Variants in PSMD3 observed in about 807,000 individuals in gnomAD.
PSMD3 encodes 26S proteasome non-ATPase regulatory subunit 3.
PSMD3 carries 5 observed loss-of-function variants against 62.8 expected under a neutral mutation model. That is an observed-to-expected ratio of 0.08 (90% CI 0.04 to 0.17). The LOEUF (loss-of-function observed/expected upper bound fraction) is 0.17, where lower values mean the gene tolerates loss of function less well. PSMD3 is among the 10% of genes least tolerant of loss of function. The pLI is 1.00. For synonymous variants in PSMD3, 265 were observed against 283.9 expected (o/e 0.93, Z 0.67); for missense variants, 524 against 713.6 (o/e 0.73, Z 3.03).
At chr17:39,997,292 C>G in intron 10 of PSMD3, 38 bp from the exon 11 acceptor site, 1 of 1,607,490 alleles carries the variant, frequency 6.2e-7, no homozygotes, top group Non-Finnish European at 8.5e-7. Context: ...TCACCTGCTT[C>G]CTTCCCTCGC....
intron 6 of PSMD3, 118 bp from the exon 7 acceptor site, chr17:39,994,836 A>G (rs1402972774): frequency 2.3e-6 from 2 of 857,112 alleles, no homozygotes; most frequent in Non-Finnish European, 3.7e-6. Flanking sequence ...CTCTGGGCCT[A>G]AACAGTGATC....
intron 6 of PSMD3, among the ~76,000 whole-genome samples, chr17:39,992,361 C>T (rs1980678741): frequency 6.6e-6 from 1 of 152,078 alleles, no homozygotes; most frequent in South Asian, 2.1e-4. Context: ...CTGCAACCAG[C>T]CCTCTGCCCT....
chr17:39,984,812 C>A lies in PSMD3; in HGVS notation c.411+328C>A, dbSNP rs77384819. On this transcript the variant is annotated intron_variant, in intron 2 of 11. Coordinates refer to ENST00000264639, the MANE Select transcript of PSMD3 (RefSeq NM_002809.4). ...GAGAAGGTGCTGCTGCCTCTTTCTTCTGAAGCTTCACCATGGAGGAGGTAG... is the reference window on the plus strand; with the variant it reads ...GAGAAGGTGCTGCTGCCTCTTTCTTATGAAGCTTCACCATGGAGGAGGTAG... 2.2e-3 allele frequency among the ~76,000 whole-genome samples: 331 copies of A among 152,258 alleles called. 1 individual carries two copies. Among genetic ancestry groups the A allele is most frequent in the African/African-American group, 7.6e-3 (317 of 41,534 alleles).
At chr17:39,993,915 G>A (rs1333528641) in intron 6 of PSMD3, 1 of 152,192 alleles carries the variant, frequency 6.6e-6, no homozygotes, top group Non-Finnish European at 1.5e-5. Flanking sequence ...GACACCAAGT[G>A]TTCTACGTGC....
At chr17:39,992,024 C>CAAAAAAAAAAAAAAAAAAAAACAA (rs59894264) in intron 6 of PSMD3, among the ~76,000 whole-genome samples, 2 of 102,068 alleles carry the variant, frequency 2.0e-5, no homozygotes, top group Non-Finnish European at 2.1e-5. Flanking sequence ...GACTCTGTCT[C>CAAAAAAAAAAAAAAAAAAAAACAA]AAAAAAAAAC....
chr17:39,989,829 A>G lies in PSMD3; in HGVS notation c.777A>G (p.Leu259=). 1 of 1,614,202 alleles carries G rather than the reference A, an allele frequency of 6.2e-7. No homozygotes were observed. The highest frequency in any genetic ancestry group is 8.5e-7 in the Non-Finnish European group (1 of 1,180,040). ...TGAACCTCCTGCTGCGGAATTACCT[A>G]CACTACAGCTTGTACGACCAGGCTG... is the stretch of plus-strand genomic sequence containing the variant. ...TLLNLLLRNY[L]HYSLYDQAEK... is the part of the protein sequence containing the mutation. The change falls in exon 5 of 12, where the codon CTA becomes CTG. Residue 259 remains leucine (L), a synonymous_variant. Coordinates refer to ENST00000264639, the MANE Select transcript of PSMD3 (RefSeq NM_002809.4).
intron 1 of PSMD3, among the ~76,000 whole-genome samples, chr17:39,982,460 A>T (rs914441108): frequency 2.0e-5 from 3 of 152,282 alleles, no homozygotes; most frequent in Non-Finnish European, 4.4e-5. Context: ...GTTTGTATCA[A>T]GGCATAACTA....
chr17:39,990,481 T>A (rs1029750371), intron 6 of PSMD3, among the ~76,000 whole-genome samples: 1 of 152,110 alleles, frequency 6.6e-6, no homozygotes, highest in African/African-American at 2.4e-5. Flanking sequence ...ATTTTTTGTG[T>A]GTGTGGAGAC....
Position 39,995,216 on chromosome 17 carries a change from G to A in PSMD3, c.1137G>A (p.Leu379=). The change falls in exon 8 of 12, where the codon CTG becomes CTA. Residue 379 remains leucine, a synonymous_variant. Coordinates refer to ENST00000264639, the MANE Select transcript of PSMD3 (RefSeq NM_002809.4). This position sits in a 1 kb window ranked among gnomAD's most constrained non-coding sequence, Gnocchi z 4.1. Reference sequence around the variant, plus strand: ...ACCTAGCCAAGTTCAACCAGGTCCTGGATCAGTTTGGGGAGAAGTTTCAAG... The same window carrying A: ...ACCTAGCCAAGTTCAACCAGGTCCTAGATCAGTTTGGGGAGAAGTTTCAAG... ...TGNLAKFNQV[L]DQFGEKFQAD... is the part of the protein sequence containing the mutation. The A allele has an allele frequency of 6.2e-7, 1 of 1,614,126 alleles. No individual in the cohort carries two copies. The highest frequency in any genetic ancestry group is 2.2e-5 in the East Asian group (1 of 44,878).
rs372020193 is a variant in PSMD3 at position 39,990,175 on chromosome 17, C to A, written c.959C>A (p.Thr320Lys). The A allele has an allele frequency of 1.1e-5, 18 of 1,613,514 alleles. No homozygotes were observed. Among genetic ancestry groups the A allele is most frequent in the Non-Finnish European group, 1.4e-5 (17 of 1,179,786 alleles). ...TNALRKAPQH[T>K]AVGFKQTVHK... ...GCCCTTCGCAAGGCCCCTCAGCACA[C>A]AGCTGTCGGCTTCAAACAGACGGTG... Residue 320 changes from threonine to lysine, a missense_variant, in exon 6 of 12, where the codon ACA becomes AAA. Coordinates refer to ENST00000264639, the MANE Select transcript of PSMD3 (RefSeq NM_002809.4).
In PSMD3 at chr17:39,996,400, T is replaced by C; in HGVS notation, c.1476+62T>C. ...CAGCACACCCCTCCCTCCACACTCA[T>C]GGATTCCTCAGAGAAGACTGGCTTA... is the stretch of plus-strand genomic sequence containing the variant. On this transcript the variant is annotated intron_variant, in intron 10 of 11. Transcript: ENST00000264639. This position sits in a 1 kb window ranked among gnomAD's most constrained non-coding sequence, Gnocchi z 5.1. The C allele has an allele frequency of 1.9e-6, 3 of 1,567,562 alleles. No individual in the cohort carries two copies. Among genetic ancestry groups the C allele is most frequent in the Non-Finnish European group, 1.7e-6 (2 of 1,150,520 alleles).
rs1980764600 is a variant in PSMD3, at chr17:39,995,632, A to G, written c.1320+105A>G. 9.0e-7 allele frequency: 1 copy of G among 1,114,582 alleles called. No homozygotes were observed. Among genetic ancestry groups the G allele is most frequent in the Non-Finnish European group, 1.3e-6 (1 of 747,392 alleles). 69.0% of individuals were successfully genotyped at this position (1,114,582 alleles called of 1,614,324 possible). A position where few individuals can be genotyped will look rare whatever the true frequency, so the allele number is the denominator to read the frequency against. The stretch of plus-strand genomic sequence containing the variant: ...GCCAAGGAGGGGAATAGGTAAAGCA[A>G]TGGCATAGTCATTTCAGGGCGTGCC... On this transcript the variant is annotated intron_variant, in intron 9 of 11. Coordinates refer to ENST00000264639, the MANE Select transcript of PSMD3 (RefSeq NM_002809.4). This position sits in a 1 kb window ranked among gnomAD's most constrained non-coding sequence, Gnocchi z 4.1.
At position 39,996,199 on chromosome 17, in the gene PSMD3, T is replaced by C. The variant is rs1980780349; in HGVS notation, c.1337T>C (p.Val446Ala). The change falls in exon 10 of 12, where the codon GTC becomes GCC. Residue 446 changes from valine to alanine, a missense_variant. Physicochemically the swap from Val to Ala is moderately conservative, Grantham distance 64. Around this residue, in one of 4 missense-constraint regions of PSMD3, gnomAD observed 76 missense variants for 97.3 expected, o/e 0.78. Coordinates refer to ENST00000264639, the MANE Select transcript of PSMD3 (RefSeq NM_002809.4). The surrounding 1 kb of genome is among the most constrained non-coding windows in gnomAD (Gnocchi z 5.1). ...GGCCTGCAGGCCATCCGGGATGGTGTCATTGAGGCCAGCATCAACCACGAG... is the reference window on the plus strand; with the variant it reads ...GGCCTGCAGGCCATCCGGGATGGTGCCATTGAGGCCAGCATCAACCACGAG... ...FIVAKAIRDG[V>A]IEASINHEKG... The C allele has an allele frequency of 1.2e-6, 2 of 1,613,270 alleles. No individual in the cohort carries two copies. Among genetic ancestry groups the C allele is most frequent in the Non-Finnish European group, 1.7e-6 (2 of 1,179,966 alleles).
Position 39,996,594 on chromosome 17 carries a change from G to A in PSMD3, c.1476+256G>A, listed in dbSNP as rs376459539. The A allele has an allele frequency of 6.1e-6, 4 of 655,382 alleles. No homozygotes were observed. Among genetic ancestry groups the A allele is most frequent in the East Asian group, 6.1e-5 (2 of 32,568 alleles). The allele number at this position is 655,382 out of a possible 1,614,324, so 40.6% of individuals were successfully genotyped here. A position where few individuals can be genotyped will look rare whatever the true frequency, so the allele number is the denominator to read the frequency against. On this transcript the variant is annotated intron_variant, in intron 10 of 11. Coordinates refer to ENST00000264639, the MANE Select transcript of PSMD3 (RefSeq NM_002809.4). The surrounding 1 kb of genome is among the most constrained non-coding windows in gnomAD (Gnocchi z 5.1). Reference sequence around the variant, plus strand: ...AGGACCAGGCAGGGATTCAGAGGGCGGGGTTCTACATTTGGTTCCAAATTT... The same window carrying A: ...AGGACCAGGCAGGGATTCAGAGGGCAGGGTTCTACATTTGGTTCCAAATTT...
chr17:39,983,644 G>T (rs1165763661), intron 1 of PSMD3, among the ~76,000 whole-genome samples: 1 of 152,086 alleles, frequency 6.6e-6, no homozygotes, highest in Admixed American at 6.5e-5. Context: ...TCTTTTGTGC[G>T]TATGTGATTT....
intron 1 of PSMD3, among the ~76,000 whole-genome samples, chr17:39,981,484 C>T (rs1757969153): frequency 6.6e-6 from 1 of 152,216 alleles, no homozygotes; most frequent in South Asian, 2.1e-4. Flanking sequence ...TCCCCTCTGA[C>T]CTATTCCGTT....
At chr17:39,984,592 G>C in intron 2 of PSMD3, 108 bp downstream of exon 2, 1 of 1,113,650 alleles carries the variant, frequency 9.0e-7, no homozygotes, top group Non-Finnish European at 1.3e-6. Flanking sequence ...GTAGCATGAG[G>C]AGAGAAGCCA....
Position 39,996,075 on chromosome 17 carries a change from C to A in PSMD3, c.1321-108C>A. ...TAAAGGTTGCAGTGAGCTGAGATCG[C>A]ACCACCGCACTCTCCTGCCTGGGTG... On this transcript the variant is annotated intron_variant, in intron 9 of 11. Transcript: ENST00000264639. This position sits in a 1 kb window ranked among gnomAD's most constrained non-coding sequence, Gnocchi z 5.1. 7.3e-7 allele frequency: 1 copy of A among 1,372,712 alleles called. No individual in the cohort carries two copies. The highest frequency in any genetic ancestry group is 1.0e-6 in the Non-Finnish European group (1 of 978,108). 85.0% of individuals were successfully genotyped at this position (1,372,712 alleles called of 1,614,324 possible). A position where few individuals can be genotyped will look rare whatever the true frequency, so the allele number is the denominator to read the frequency against.
At chr17:39,991,153 G>GT (rs1024616319) in intron 6 of PSMD3, among the ~76,000 whole-genome samples, 25 of 151,548 alleles carry the variant, frequency 1.6e-4, no homozygotes, top group Middle Eastern at 6.8e-3. Flanking sequence ...TTTTTTGTTT[G>GT]TTTTTTTGGT....
Sources: allele counts gnomAD v4.1 joint callset (sites outside exome capture counted in the v4.1 genomes callset), GRCh38; gene constraint gnomAD v4.1.1; regional missense constraint gnomAD v4.1.1; non-coding constraint Gnocchi (gnomAD v3.1); transcripts MANE v1.5; gene names NCBI Gene and HGNC (gene_info 2026-07-23, HGNC 2026-07-21).